GPATCH2L: variants seen among roughly 807,000 people sequenced by gnomAD.
GPATCH2L encodes the protein G-patch domain containing 2 like, also known as G patch domain-containing protein 2-like.
Under a neutral mutation model 57.4 loss-of-function variants are expected in GPATCH2L, and 31 were observed. The ratio of observed to expected loss-of-function variants is 0.54; its 90% confidence interval spans 0.41 to 0.73. GPATCH2L has a LOEUF of 0.73. Among genes scored for constraint, GPATCH2L ranks in the 30% least tolerant of loss-of-function variants. The pLI, the probability that GPATCH2L is intolerant of heterozygous loss-of-function variation, is 0.00. For synonymous variants in GPATCH2L, 199 were observed against 210.7 expected (o/e 0.94, Z 0.48); for missense variants, 481 against 599.9 (o/e 0.80, Z 2.07).
At chr14:76,228,683 T>C (rs140748989) in intron 1 of GPATCH2L, among the ~76,000 whole-genome samples, 151 of 152,290 alleles carry the variant, frequency 9.9e-4, no homozygotes, top group South Asian at 3.3e-3. Flanking sequence ...TTTCATCATT[T>C]TTGGTGCCCA....
chr14:76,167,980 G>C (rs757458825), intron 3 of GPATCH2L, among the ~76,000 whole-genome samples: 1 of 152,090 alleles, frequency 6.6e-6, no homozygotes, highest in Non-Finnish European at 1.5e-5. Context: ...TTAGATTTTC[G>C]GGCCTTTGGA....
intron 2 of GPATCH2L, 54 bp from the exon 3 acceptor site, chr14:76,166,609 G>C: frequency 1.7e-6 from 2 of 1,206,184 alleles, no homozygotes. Flanking sequence ...AGTGTACAGT[G>C]CTTTGTTTTT....
chr14:76,213,052 G>A lies in GPATCH2L; in HGVS notation c.*11201G>A, dbSNP rs762634216. The A allele has an allele frequency of 6.6e-6, 1 of 151,994 alleles. No homozygotes were observed. The highest frequency in any genetic ancestry group is 1.5e-5 in the Non-Finnish European group (1 of 67,978). The allele number at this position is 151,994 out of a possible 1,614,324, so 9.4% of individuals were successfully genotyped here. ...TTATGTATTAAAAAATAAGATAAAT[G>A]TCATATAACTCAAAATATTAGGAAA... is the stretch of plus-strand genomic sequence containing the variant. On this transcript the variant is annotated 3_prime_UTR_variant, in exon 10 of 10. Transcript: ENST00000261530.
chr14:76,180,005 C>T (rs11159181), intron 7 of GPATCH2L: 81,486 of 143,166 alleles, frequency 0.57, 25,064 homozygotes, highest in South Asian at 0.77. Context: ...GCCAACATGG[C>T]GAAACCCTGT....
chr14:76,171,732 A>G (rs2039094678), intron 3 of GPATCH2L, 111 bp from the exon 4 acceptor site: 1 of 662,070 alleles, frequency 1.5e-6, no homozygotes, highest in Non-Finnish European at 2.5e-6. Context: ...CAAAAAGGAA[A>G]AAAAAAAAAA....
At chr14:76,173,693 A>C in intron 5 of GPATCH2L, 68 bp downstream of exon 5, 1 of 989,534 alleles carries the variant, frequency 1.0e-6, no homozygotes, top group East Asian at 2.4e-5. Context: ...TGTGTATCCT[A>C]TTAACAATCA....
In GPATCH2L at chr14:76,154,450, G is replaced by A. The variant is rs764220915; in HGVS notation, c.87G>A (p.Ala29=). Residue 29 remains alanine, a synonymous_variant, in exon 2 of 10, where the codon GCG becomes GCA. Coordinates refer to ENST00000261530, the MANE Select transcript of GPATCH2L (RefSeq NM_017926.4). This position sits in a 1 kb window ranked among gnomAD's most constrained non-coding sequence, Gnocchi z 4.4. ...NKLGELWEEM[A]LSPRQQRRQL... is the part of the protein sequence containing the mutation. ...TTGGTGAACTGTGGGAGGAGATGGCGCTGAGCCCCCGACAGCAGAGGCGGC... is the reference window on the plus strand; with the variant it reads ...TTGGTGAACTGTGGGAGGAGATGGCACTGAGCCCCCGACAGCAGAGGCGGC... The A allele has an allele frequency of 1.2e-6, 2 of 1,614,160 alleles. No homozygotes were observed. Among genetic ancestry groups the A allele is most frequent in the South Asian group, 1.1e-5 (1 of 91,084 alleles).
At chr14:76,230,122 C>T (rs968595160) in intron 2 of GPATCH2L, among the ~76,000 whole-genome samples, 2 of 152,176 alleles carry the variant, frequency 1.3e-5, no homozygotes, top group African/African-American at 4.8e-5. Flanking sequence ...TCCTGGTGGG[C>T]ACCTCATTCT....
chr14:76,229,624 G>T (rs1253664967), intron 1 of GPATCH2L, among the ~76,000 whole-genome samples: 1 of 152,040 alleles, frequency 6.6e-6, no homozygotes, highest in South Asian at 2.1e-4. Context: ...TGTCAATAAG[G>T]TGGCTCACTT....
chr14:76,228,227 C>A (rs1313910299), intron 1 of GPATCH2L, among the ~76,000 whole-genome samples: 1 of 151,860 alleles, frequency 6.6e-6, no homozygotes, highest in Non-Finnish European at 1.5e-5. Flanking sequence ...CCTGAAACCC[C>A]AGAAGGAACA....
rs1458739085 is a variant in GPATCH2L, at chr14:76,210,350, CTG to C, written c.*8501_*8502del. The C allele has an allele frequency of 4.6e-5, 7 of 152,222 alleles. No individual in the cohort carries two copies. Among genetic ancestry groups the C allele is most frequent in the African/African-American group, 1.7e-4 (7 of 41,444 alleles). 9.4% of individuals were successfully genotyped at this position (152,222 alleles called of 1,614,324 possible). On this transcript the variant is annotated 3_prime_UTR_variant, in exon 10 of 10. Transcript: ENST00000261530. ...ATTCAAGTCTGATGTTAAAGAGTGT[CTG>C]TTCCCAATCAATACCTCTGCTGCCT...
chr14:76,209,715 T>G lies in GPATCH2L; in HGVS notation c.*7864T>G, dbSNP rs1263438344. The G allele has an allele frequency of 6.6e-6, 1 of 152,224 alleles. No individual in the cohort carries two copies. The highest frequency in any genetic ancestry group is 6.5e-5 in the Admixed American group (1 of 15,278). 9.4% of individuals were successfully genotyped at this position (152,224 alleles called of 1,614,324 possible). On this transcript the variant is annotated 3_prime_UTR_variant, in exon 10 of 10. Transcript: ENST00000261530. ...TTCATGTTGATTTTTATCAAAGAAC[T>G]TTTTATTGGGGCATCAGCACTAGCC... is the stretch of plus-strand genomic sequence containing the variant.
intron 8 of GPATCH2L, among the ~76,000 whole-genome samples, chr14:76,189,051 C>T (rs531038175): frequency 6.6e-6 from 1 of 152,138 alleles, no homozygotes; most frequent in African/African-American, 2.4e-5. Context: ...CTATTCTGTT[C>T]CATTGGTCTA....
chr14:76,179,572 T>TA (rs1315458253), intron 7 of GPATCH2L: 9 of 152,376 alleles, frequency 5.9e-5, no homozygotes, highest in African/African-American at 1.2e-4. Context: ...CCCAAAGTGA[T>TA]ACAGCTAATA....
rs1001538159 is a variant in GPATCH2L at position 76,154,459 on chromosome 14, C to G, written c.96C>G (p.Pro32=). 7 of 1,614,136 alleles carry G rather than the reference C, an allele frequency of 4.3e-6. No individual in the cohort carries two copies. The highest frequency in any genetic ancestry group is 5.9e-6 in the Non-Finnish European group (7 of 1,180,032). The stretch of plus-strand genomic sequence containing the variant: ...TGTGGGAGGAGATGGCGCTGAGCCC[C>G]CGACAGCAGAGGCGGCAGCTTCGGA... ...GELWEEMALS[P]RQQRRQLRKR... Residue 32 remains proline (P), a synonymous_variant, in exon 2 of 10, where the codon CCC becomes CCG. Transcript: ENST00000261530. The surrounding 1 kb of genome is among the most constrained non-coding windows in gnomAD (Gnocchi z 4.4).
downstream of GPATCH2L, among the ~76,000 whole-genome samples, chr14:76,218,583 T>C (rs1299418956): frequency 2.6e-5 from 4 of 151,940 alleles, no homozygotes; most frequent in Non-Finnish European, 5.9e-5. Flanking sequence ...CATAAAGATA[T>C]CACTTCTCTC....
At chr14:76,197,054 G>A (rs1464607928) in intron 9 of GPATCH2L, among the ~76,000 whole-genome samples, 1 of 152,106 alleles carries the variant, frequency 6.6e-6, no homozygotes, top group Non-Finnish European at 1.5e-5. Context: ...AGCCTTATAA[G>A]GTAGATGCTG....
Position 76,203,057 on chromosome 14 carries a change from A to G in GPATCH2L, c.*1206A>G, listed in dbSNP as rs981016701. The G allele has an allele frequency of 2.0e-5, 3 of 152,178 alleles. No individual in the cohort carries two copies. Among genetic ancestry groups the G allele is most frequent in the African/African-American group, 7.2e-5 (3 of 41,420 alleles). 9.4% of individuals were successfully genotyped at this position (152,178 alleles called of 1,614,324 possible). A position where few individuals can be genotyped will look rare whatever the true frequency, so the allele number is the denominator to read the frequency against. On this transcript the variant is annotated 3_prime_UTR_variant, in exon 10 of 10. Transcript: ENST00000261530. ...GTGAAGTGCTCCCTGCTCTGGTCAC[A>G]TTGTAGAGGGACTCCCACTCATGCA...
chr14:76,154,927 A>G lies in GPATCH2L; in HGVS notation c.564A>G (p.Ala188=). Residue 188 remains alanine (A), a synonymous_variant, in exon 2 of 10, where the codon GCA becomes GCG. Coordinates refer to ENST00000261530, the MANE Select transcript of GPATCH2L (RefSeq NM_017926.4). The surrounding 1 kb of genome is among the most constrained non-coding windows in gnomAD (Gnocchi z 4.4). ...TSSGHGLCES[A]ENRTFLSKTG... is the part of the protein sequence containing the mutation. ...CAGGCCACGGATTGTGTGAATCAGC[A>G]GAAAATAGGACTTTCCTAAGCAAAA... is the stretch of plus-strand genomic sequence containing the variant. 1 of 1,614,214 alleles carries G rather than the reference A, an allele frequency of 6.2e-7. No individual in the cohort carries two copies. Among genetic ancestry groups the G allele is most frequent in the Non-Finnish European group, 8.5e-7 (1 of 1,180,006 alleles).
Sources: allele counts gnomAD v4.1 joint callset (sites outside exome capture counted in the v4.1 genomes callset), GRCh38; gene constraint gnomAD v4.1.1; non-coding constraint Gnocchi (gnomAD v3.1); transcripts MANE v1.5; gene names NCBI Gene and HGNC (gene_info 2026-07-23, HGNC 2026-07-21).